Variants in FHIT observed in about 807,000 individuals in gnomAD.
The protein encoded by FHIT is fragile histidine triad diadenosine triphosphatase.
A neutral mutation model predicts 17.9 loss-of-function variants in FHIT; 19 were observed. The observed-to-expected ratio is 1.06, with a 90% CI of 0.74 to 1.56. The LOEUF is 1.56. FHIT is among the 40% of genes most tolerant of loss of function. The pLI is 0.00. For synonymous variants in FHIT, 81 were observed against 69.7 expected, an observed-to-expected ratio of 1.16 and a Z score of -0.81; for missense variants, 248 against 189.2, an observed-to-expected ratio of 1.31 and a Z score of -1.82.
At chr3:60,188,587 G>C (rs1489122829) in intron 5 of FHIT, among the ~76,000 whole-genome samples, 1 of 152,134 alleles carries the variant, frequency 6.6e-6, no homozygotes, top group Non-Finnish European at 1.5e-5. Flanking sequence ...GAGTTAAGGA[G>C]TGCCTTCATT....
intron 3 of FHIT, among the ~76,000 whole-genome samples, chr3:61,036,733 T>C (rs913126431): frequency 2.6e-5 from 4 of 152,154 alleles, no homozygotes; most frequent in Non-Finnish European, 1.5e-5. Context: ...TCTAATATAC[T>C]CAGATTATTG....
chr3:60,043,349 A>G (rs1014718255), intron 5 of FHIT, among the ~76,000 whole-genome samples: 2 of 152,346 alleles, frequency 1.3e-5, no homozygotes, highest in African/African-American at 4.8e-5. Flanking sequence ...GTTGGAGATA[A>G]TAAGTAACAA....
At chr3:61,041,272 G>A (rs2033500323) in intron 3 of FHIT, among the ~76,000 whole-genome samples, 1 of 151,932 alleles carries the variant, frequency 6.6e-6, no homozygotes, top group South Asian at 2.1e-4. Flanking sequence ...AGCTACTCAG[G>A]AGGCTGAGGC....
intron 5 of FHIT, among the ~76,000 whole-genome samples, chr3:60,470,335 T>C: frequency 6.6e-6 from 1 of 152,064 alleles, no homozygotes; most frequent in Non-Finnish European, 1.5e-5. Context: ...GGTCCAGAGA[T>C]GTTTTCTGGG....
intron 3 of FHIT, among the ~76,000 whole-genome samples, chr3:61,014,807 A>AAAAAAT (rs1553798839): frequency 1.2e-4 from 6 of 49,104 alleles, no homozygotes; most frequent in East Asian, 1.1e-3. Flanking sequence ...AAAAAAAAAA[A>AAAAAAT]ATATATATAT....
intron 5 of FHIT, among the ~76,000 whole-genome samples, chr3:60,277,619 C>T (rs1041283822): frequency 4.6e-5 from 7 of 152,112 alleles, no homozygotes; most frequent in African/African-American, 1.7e-4. Flanking sequence ...CATCACACCT[C>T]GTCCAACCAA....
At chr3:61,080,075 T>TA (rs921442844) in intron 2 of FHIT, among the ~76,000 whole-genome samples, 9 of 152,150 alleles carry the variant, frequency 5.9e-5, no homozygotes, top group Non-Finnish European at 1.3e-4. Context: ...AACAAACATT[T>TA]AAAAGCACAC....
chr3:60,015,644 T>A (rs759047468), intron 5 of FHIT, among the ~76,000 whole-genome samples: 4 of 152,148 alleles, frequency 2.6e-5, no homozygotes, highest in Non-Finnish European at 5.9e-5. Context: ...TAGGCCTGAC[T>A]TCACCAAACC....
At chr3:59,863,709 G>A (rs1702506870) in intron 8 of FHIT, among the ~76,000 whole-genome samples, 2 of 152,282 alleles carry the variant, frequency 1.3e-5, no homozygotes, top group Non-Finnish European at 1.5e-5. Flanking sequence ...ACATAGCTAA[G>A]GGTCTGTTCT....
chr3:60,616,123 C>G (rs1359322843), intron 4 of FHIT, among the ~76,000 whole-genome samples: 1 of 152,156 alleles, frequency 6.6e-6, no homozygotes, highest in Non-Finnish European at 1.5e-5. Context: ...ATTCCACATG[C>G]TTTGTTTCTG....
At chr3:60,043,859 A>C (rs1203167635) in intron 5 of FHIT, among the ~76,000 whole-genome samples, 1 of 152,206 alleles carries the variant, frequency 6.6e-6, no homozygotes, top group Non-Finnish European at 1.5e-5. Context: ...ATGTTTCTTT[A>C]TATGAAACAT....
At chr3:61,050,380 A>G (rs2033981578) in intron 2 of FHIT, among the ~76,000 whole-genome samples, 1 of 152,300 alleles carries the variant, frequency 6.6e-6, no homozygotes, top group Non-Finnish European at 1.5e-5. Context: ...AAGCAACATA[A>G]CAATTCAATG....
intron 2 of FHIT, among the ~76,000 whole-genome samples, chr3:61,172,297 T>C (rs1205701049): frequency 6.6e-6 from 1 of 152,198 alleles, no homozygotes; most frequent in Non-Finnish European, 1.5e-5. Flanking sequence ...GATGCAGTGA[T>C]CTCTAATGTA....
chr3:61,222,844 G>A (rs1466571933), intron 1 of FHIT, among the ~76,000 whole-genome samples: 1 of 152,192 alleles, frequency 6.6e-6, no homozygotes, highest in African/African-American at 2.4e-5. Flanking sequence ...GAATTTTGAT[G>A]CTGGGACAGA....
chr3:59,790,018 T>C (rs1219726569), intron 8 of FHIT, among the ~76,000 whole-genome samples: 2 of 152,216 alleles, frequency 1.3e-5, no homozygotes, highest in Non-Finnish European at 2.9e-5. Flanking sequence ...TTTGCAGTTG[T>C]AGTCTCATCT....
At chr3:60,115,395 C>T (rs1704910678) in intron 5 of FHIT, among the ~76,000 whole-genome samples, 1 of 152,000 alleles carries the variant, frequency 6.6e-6, no homozygotes, top group African/African-American at 2.4e-5. Flanking sequence ...GGTTAACTAC[C>T]ATATGATAAA....
chr3:61,243,089 C>A (rs149646230), intron 1 of FHIT, among the ~76,000 whole-genome samples: 88 of 152,338 alleles, frequency 5.8e-4, no homozygotes, highest in African/African-American at 1.9e-3. Flanking sequence ...CAAAGTTAGT[C>A]TGGCCTACGC....
At chr3:60,705,600 A>G (rs1299512609) in intron 4 of FHIT, among the ~76,000 whole-genome samples, 1 of 152,256 alleles carries the variant, frequency 6.6e-6, no homozygotes, top group East Asian at 1.9e-4. Flanking sequence ...TGCCATTACC[A>G]GATCCCTTTG....
At chr3:60,536,245 G>C (rs1249302987) in intron 5 of FHIT, 1 of 152,170 alleles carries the variant, frequency 6.6e-6, no homozygotes. Context: ...TCAGTGGTCA[G>C]AGGGAAATAA....
Sources: allele counts gnomAD v4.1 joint callset (sites outside exome capture counted in the v4.1 genomes callset), GRCh38; gene constraint gnomAD v4.1.1; transcripts MANE v1.5; gene names NCBI Gene and HGNC (gene_info 2026-07-23, HGNC 2026-07-21).